Variants in TMEM132C observed in about 807,000 individuals in gnomAD.
TMEM132C encodes transmembrane protein 132C.
TMEM132C carries 29 observed loss-of-function variants against 61.4 expected under a neutral mutation model. The observed-to-expected ratio is 0.47, with a 90% CI of 0.35 to 0.64. The LOEUF (loss-of-function observed/expected upper bound fraction) is 0.64. TMEM132C is among the 30% of genes least tolerant of loss of function. The pLI, the probability that TMEM132C is intolerant of heterozygous loss-of-function variation, is 0.00. For missense variants in TMEM132C, 1,408 were observed against 1,476.9 expected (o/e 0.95, Z 0.76); for synonymous variants, 656 against 633.1 (o/e 1.04, Z -0.54).
chr12:128,601,409 C>G (rs1028693906), intron 3 of TMEM132C, among the ~76,000 whole-genome samples: 1 of 152,204 alleles, frequency 6.6e-6, no homozygotes, highest in African/African-American at 2.4e-5. Flanking sequence ...TGATGTATCA[C>G]GAGGCGATCA....
intron 4 of TMEM132C, among the ~76,000 whole-genome samples, chr12:128,627,312 G>A (rs1004568844): frequency 1.3e-5 from 2 of 152,030 alleles, no homozygotes; most frequent in Non-Finnish European, 2.9e-5. Flanking sequence ...CTGGAATGTT[G>A]GCTCCTTGAC....
At chr12:128,573,633 A>T (rs1329533563) in intron 3 of TMEM132C, among the ~76,000 whole-genome samples, 1 of 152,078 alleles carries the variant, frequency 6.6e-6, no homozygotes, top group Non-Finnish European at 1.5e-5. Flanking sequence ...AAGATTAAAA[A>T]AAAAAGAAGC....
chr12:128,645,710 G>A (rs1313123671), intron 4 of TMEM132C, among the ~76,000 whole-genome samples: 2 of 152,232 alleles, frequency 1.3e-5, no homozygotes, highest in East Asian at 1.9e-4. Flanking sequence ...CCCCCTTTGG[G>A]CTCAGTCCAT....
At chr12:128,619,973 A>C (rs1342288299) in intron 4 of TMEM132C, among the ~76,000 whole-genome samples, 1 of 152,102 alleles carries the variant, frequency 6.6e-6, no homozygotes, top group Non-Finnish European at 1.5e-5. Flanking sequence ...GCTCACACCT[A>C]TAATCCCAGG....
intron 8 of TMEM132C, among the ~76,000 whole-genome samples, chr12:128,703,867 T>C (rs966462976): frequency 2.0e-5 from 3 of 152,338 alleles, no homozygotes; most frequent in East Asian, 1.9e-4. Flanking sequence ...CCAGTGGATA[T>C]GGACTGTCTG....
chr12:128,600,392 T>C (rs1245823873), intron 3 of TMEM132C, among the ~76,000 whole-genome samples: 5 of 152,222 alleles, frequency 3.3e-5, no homozygotes, highest in African/African-American at 7.2e-5. Flanking sequence ...ATTGTAAGTT[T>C]CCTGAGGCCT....
intron 1 of TMEM132C, among the ~76,000 whole-genome samples, chr12:128,363,173 T>C (rs1298353571): frequency 2.0e-5 from 3 of 152,218 alleles, no homozygotes; most frequent in Non-Finnish European, 4.4e-5. Flanking sequence ...AGTAACAATT[T>C]TTTCACTCTA....
At chr12:128,669,698 A>C in intron 5 of TMEM132C, 138 bp downstream of exon 5, 1 of 1,101,074 alleles carries the variant, frequency 9.1e-7, no homozygotes, top group Non-Finnish European at 1.2e-6. Flanking sequence ...CAGCTGATCC[A>C]CTCAACGTGT....
chr12:128,481,420 C>T (rs977942144), intron 2 of TMEM132C, among the ~76,000 whole-genome samples: 3 of 152,232 alleles, frequency 2.0e-5, no homozygotes, highest in Non-Finnish European at 2.9e-5. Context: ...CTTCACCTCT[C>T]TGCTGTCCAG....
chr12:128,663,538 G>A (rs1023695196), intron 4 of TMEM132C, among the ~76,000 whole-genome samples: 2 of 152,198 alleles, frequency 1.3e-5, no homozygotes, highest in Non-Finnish European at 2.9e-5. Flanking sequence ...CCATTCCTGG[G>A]ACAAATCCCC....
At chr12:128,413,525 TTG>T (rs1374874947) in intron 1 of TMEM132C, among the ~76,000 whole-genome samples, 5 of 151,802 alleles carry the variant, frequency 3.3e-5, no homozygotes, top group African/African-American at 1.2e-4. Context: ...CTTCCCAACA[TTG>T]TGTGTTATAC....
chr12:128,362,707 C>T (rs564041887), intron 1 of TMEM132C, among the ~76,000 whole-genome samples: 1 of 152,316 alleles, frequency 6.6e-6, no homozygotes, highest in African/African-American at 2.4e-5. Context: ...CATATCAGTG[C>T]TCAAAAAGTT....
intron 3 of TMEM132C, among the ~76,000 whole-genome samples, chr12:128,610,453 A>C (rs1026054079): frequency 9.2e-5 from 14 of 152,184 alleles, no homozygotes; most frequent in Non-Finnish European, 1.9e-4. Flanking sequence ...CTTTATTGTG[A>C]CTGTTGGGAG....
At chr12:128,352,550 A>G (rs142072304) in intron 1 of TMEM132C, among the ~76,000 whole-genome samples, 1 of 152,312 alleles carries the variant, frequency 6.6e-6, no homozygotes, top group Non-Finnish European at 1.5e-5. Flanking sequence ...TCCAGACACA[A>G]CAAAATAATG....
chr12:128,534,856 C>T (rs1873461427), intron 2 of TMEM132C, among the ~76,000 whole-genome samples: 3 of 152,202 alleles, frequency 2.0e-5, no homozygotes. Context: ...GAGGTGACAC[C>T]AGCCACTGCA....
In TMEM132C at chr12:128,706,242, G is replaced by A. The variant is rs1366781767; in HGVS notation, c.3274G>A (p.Gly1092Ser). 1.3e-6 allele frequency: 2 copies of A among 1,551,338 alleles called. No individual in the cohort carries two copies. Among genetic ancestry groups the A allele is most frequent in the Non-Finnish European group, 1.7e-6 (2 of 1,146,804 alleles). The change falls in exon 9 of 9, where the codon GGT becomes AGT. Residue 1092 changes from glycine (G) to serine (S), a missense_variant. Physicochemically the swap from Gly to Ser is moderately conservative, Grantham distance 56 (BLOSUM62 0). Coordinates refer to ENST00000435159, the MANE Select transcript of TMEM132C (RefSeq NM_001136103.3). Reference sequence around the variant, plus strand: ...ATGGGTGTGTCAAGACGTGGCTGTGGGTGCCCCCAAGGAACTTAGAAACTA... The same window carrying A: ...ATGGGTGTGTCAAGACGTGGCTGTGAGTGCCCCCAAGGAACTTAGAAACTA... ...IKWVCQDVAV[G>S]APKELRNYLE... is the part of the protein sequence containing the mutation.
rs533206725 is a variant in TMEM132C at position 128,447,795 on chromosome 12, C to T, written c.974+32175C>T. On this transcript the variant is annotated intron_variant, in intron 2 of 8. Transcript: ENST00000435159. ...ACTGCGGACTGCAGTGGCGCAATCT[C>T]GGCTCACTGCAAGCTCCGCCTCCCG... is the stretch of plus-strand genomic sequence containing the variant. Among the ~76,000 whole-genome samples, 20 of 87,502 alleles carry T rather than the reference C, an allele frequency of 2.3e-4. 2 individuals are homozygous for T. The South Asian group carries it at 5.8e-3, about 26-fold the overall frequency. 57.4% of individuals were successfully genotyped at this position (87,502 alleles called of 152,430 possible).
At chr12:128,580,986 T>A (rs535275250) in intron 3 of TMEM132C, among the ~76,000 whole-genome samples, 1 of 152,244 alleles carries the variant, frequency 6.6e-6, no homozygotes, top group Admixed American at 6.5e-5. Context: ...ATGAAAAATG[T>A]CCTGCGGGGG....
intron 5 of TMEM132C, among the ~76,000 whole-genome samples, chr12:128,691,678 TG>T (rs1456804383): frequency 1.3e-5 from 2 of 152,244 alleles, no homozygotes; most frequent in Non-Finnish European, 2.9e-5. Flanking sequence ...CATCCATTCA[TG>T]TGTCTGTCCA....
Sources: gnomAD v4.1 joint callset for allele counts (sites outside exome capture counted in the v4.1 genomes callset) on GRCh38, gnomAD v4.1.1 for gene constraint, MANE v1.5 for transcripts, NCBI Gene and HGNC (gene_info 2026-07-23, HGNC 2026-07-21) for gene names.